Variants in ADAM12 observed in about 807,000 individuals in gnomAD.
ADAM12 encodes the protein ADAM metallopeptidase domain 12.
In ADAM12, 70 loss-of-function variants were observed where a neutral mutation model predicts 106.4. The ratio of observed to expected loss-of-function variants is 0.66; its 90% CI spans 0.54 to 0.80. The LOEUF (loss-of-function observed/expected upper bound fraction) is 0.80, where lower values mean the gene tolerates loss of function less well. ADAM12 is among the 30% of genes least tolerant of loss of function. The pLI is 0.00. For missense variants in ADAM12, 1,010 were observed against 1,171.9 expected, an observed-to-expected ratio of 0.86 and a Z score of 2.02; for synonymous variants, 420 against 433.5, an observed-to-expected ratio of 0.97 and a Z score of 0.39.
chr10:126,132,437 A>G (rs1956322376), intron 5 of ADAM12, among the ~76,000 whole-genome samples: 1 of 151,864 alleles, frequency 6.6e-6, no homozygotes, highest in African/African-American at 2.4e-5. Flanking sequence ...TGTGGTCCTT[A>G]CTACCATGGC....
At chr10:126,108,489 C>G (rs892175756) in intron 8 of ADAM12, 104 bp downstream of exon 8, 2 of 1,052,230 alleles carry the variant, frequency 1.9e-6, no homozygotes, top group Non-Finnish European at 2.9e-6. Context: ...AACCAAGGCC[C>G]AGAGGCAGAA....
chr10:126,365,554 C>T (rs1855880910), intron 1 of ADAM12, among the ~76,000 whole-genome samples: 1 of 152,092 alleles, frequency 6.6e-6, no homozygotes, highest in African/African-American at 2.4e-5. Flanking sequence ...CCTCAGGAAA[C>T]TTGTGATCAT....
intron 4 of ADAM12, among the ~76,000 whole-genome samples, chr10:126,144,300 C>T (rs1441773691): frequency 6.6e-6 from 1 of 152,196 alleles, no homozygotes; most frequent in Non-Finnish European, 1.5e-5. Flanking sequence ...GGGACGGGCA[C>T]TTAGTTGTCC....
At chr10:126,264,675 C>T (rs190506326) in intron 3 of ADAM12, among the ~76,000 whole-genome samples, 15 of 152,160 alleles carry the variant, frequency 9.9e-5, no homozygotes, top group African/African-American at 2.9e-4. Context: ...CCAATTACGG[C>T]GATTTTCCTT....
intron 14 of ADAM12, among the ~76,000 whole-genome samples, chr10:126,062,524 G>A (rs1954779109): frequency 6.6e-6 from 1 of 152,162 alleles, no homozygotes; most frequent in Admixed American, 6.5e-5. Context: ...CAGGTTGTCA[G>A]TCTGTCTGCC....
chr10:126,129,090 A>G (rs1956259678), intron 5 of ADAM12, among the ~76,000 whole-genome samples: 1 of 152,250 alleles, frequency 6.6e-6, no homozygotes, highest in Non-Finnish European at 1.5e-5. Context: ...TCATCTAGCA[A>G]GTGAGCTTGG....
At chr10:126,193,837 T>A (rs534621673) in intron 3 of ADAM12, among the ~76,000 whole-genome samples, 2 of 151,978 alleles carry the variant, frequency 1.3e-5, no homozygotes, top group East Asian at 3.9e-4. Flanking sequence ...GCAGAAGTTG[T>A]AGTGAGCTCA....
chr10:126,354,705 C>T (rs1058998), intron 1 of ADAM12, among the ~76,000 whole-genome samples: 2 of 152,052 alleles, frequency 1.3e-5, no homozygotes, highest in South Asian at 2.1e-4. Flanking sequence ...AGCTCCACCA[C>T]ATAGACTTTA....
intron 2 of ADAM12, among the ~76,000 whole-genome samples, chr10:126,312,643 G>T (rs1236163445): frequency 6.6e-6 from 1 of 152,144 alleles, no homozygotes; most frequent in Non-Finnish European, 1.5e-5. Context: ...TGAATTCGTT[G>T]TAATTAAACC....
chr10:126,089,684 C>T (rs754352041), intron 11 of ADAM12, among the ~76,000 whole-genome samples: 2 of 152,130 alleles, frequency 1.3e-5, no homozygotes, highest in Non-Finnish European at 2.9e-5. Context: ...GCTCTGGTTC[C>T]TCCATTTCTA....
chr10:126,119,034 G>C (rs897937085), intron 5 of ADAM12, among the ~76,000 whole-genome samples: 2 of 152,160 alleles, frequency 1.3e-5, no homozygotes, highest in Non-Finnish European at 2.9e-5. Context: ...AGCACCATGA[G>C]TACAAATTTA....
intron 5 of ADAM12, among the ~76,000 whole-genome samples, chr10:126,127,436 C>G (rs1956224202): frequency 6.6e-6 from 1 of 152,216 alleles, no homozygotes; most frequent in African/African-American, 2.4e-5. Flanking sequence ...TTTGGGAGGG[C>G]ACATCTATTC....
intron 21 of ADAM12, among the ~76,000 whole-genome samples, chr10:126,034,545 A>G (rs1954024932): frequency 6.6e-6 from 1 of 152,200 alleles, no homozygotes; most frequent in Non-Finnish European, 1.5e-5. Flanking sequence ...TAATATTAAC[A>G]TGGTAGACTT....
intron 11 of ADAM12, among the ~76,000 whole-genome samples, chr10:126,075,458 C>A (rs767868332): frequency 1.3e-5 from 2 of 152,160 alleles, no homozygotes; most frequent in Non-Finnish European, 2.9e-5. Context: ...ACAAAAAAAT[C>A]TCAGCCCTCA....
intron 4 of ADAM12, among the ~76,000 whole-genome samples, chr10:126,139,680 G>T (rs1278117872): frequency 1.3e-5 from 2 of 152,090 alleles, no homozygotes; most frequent in Admixed American, 1.3e-4. Context: ...GGTGGGGTTA[G>T]TTCTGCTGGG....
At chr10:126,298,199 C>T (rs554680808) in intron 2 of ADAM12, among the ~76,000 whole-genome samples, 3 of 151,312 alleles carry the variant, frequency 2.0e-5, no homozygotes, top group Admixed American at 6.6e-5. Flanking sequence ...AAGTGAACAC[C>T]GAGAAGATAA....
intron 1 of ADAM12, among the ~76,000 whole-genome samples, chr10:126,386,579 A>T (rs1026471880): frequency 3.9e-5 from 6 of 152,190 alleles, no homozygotes; most frequent in Non-Finnish European, 8.8e-5. Flanking sequence ...TCTCTCTACC[A>T]AAGCTGAACT....
intron 6 of ADAM12, among the ~76,000 whole-genome samples, chr10:126,114,529 G>C (rs572469221): frequency 2.6e-5 from 4 of 152,208 alleles, no homozygotes; most frequent in Non-Finnish European, 4.4e-5. Flanking sequence ...GCCCAGGCTA[G>C]AGTGCAATGG....
rs1208848874 is a variant in ADAM12 at position 126,315,957 on chromosome 10, A to G, written c.186+14455T>C. ...CTTATGAGATTTGCCTGTGTCAAGG[A>G]ACACTAAAACCAGCAATAACTTTTG... On this transcript the variant is annotated intron_variant, in intron 2 of 22. Coordinates refer to ENST00000448723, the MANE Select transcript of ADAM12 (RefSeq NM_001288973.2). Among the ~76,000 whole-genome samples the G allele has an allele frequency of 3.3e-5, 5 of 152,332 alleles. No homozygotes were observed. The East Asian group carries it at 9.6e-4, about 29-fold the overall frequency.
Sources: allele counts gnomAD v4.1 joint callset (sites outside exome capture counted in the v4.1 genomes callset), GRCh38; gene constraint gnomAD v4.1.1; transcripts MANE v1.5; gene names NCBI Gene and HGNC (gene_info 2026-07-23, HGNC 2026-07-21).